VPS13B: variants seen among roughly 807,000 people sequenced by gnomAD.
VPS13B encodes the protein vacuolar protein sorting 13 homolog B, also known as intermembrane lipid transfer protein VPS13B.
In VPS13B, 285 loss-of-function variants were observed where a neutral mutation model predicts 426.4. The observed-to-expected ratio is 0.67, with a 90% CI of 0.61 to 0.74. VPS13B has a LOEUF of 0.74. Among genes scored for constraint, VPS13B ranks in the 30% least tolerant of loss-of-function variants. VPS13B has a pLI of 0.00. For synonymous variants in VPS13B, 1,676 were observed against 1,676.4 expected (o/e 1.00, Z 0.01); for missense variants, 4,537 against 4,782.6 (o/e 0.95, Z 1.51).
At chr8:99,796,034 T>A (rs556639698) in intron 43 of VPS13B, among the ~76,000 whole-genome samples, 1 of 152,250 alleles carries the variant, frequency 6.6e-6, no homozygotes, top group South Asian at 2.1e-4. Context: ...ATTTGCGAGT[T>A]GGGCTGTGAA....
chr8:99,561,603 A>G (rs903584955), intron 31 of VPS13B, among the ~76,000 whole-genome samples: 3 of 152,186 alleles, frequency 2.0e-5, no homozygotes, highest in African/African-American at 7.2e-5. Flanking sequence ...GTTTTGGTAT[A>G]AGCTAGGCTT....
chr8:99,823,457 G>A (rs1283608241), intron 50 of VPS13B, among the ~76,000 whole-genome samples: 1 of 152,174 alleles, frequency 6.6e-6, no homozygotes, highest in Non-Finnish European at 1.5e-5. Flanking sequence ...AGGAGGAGGA[G>A]GAGGAGGAGT....
intron 51 of VPS13B, among the ~76,000 whole-genome samples, chr8:99,826,143 C>G (rs1814670139): frequency 6.6e-6 from 1 of 152,152 alleles, no homozygotes; most frequent in African/African-American, 2.4e-5. Flanking sequence ...AGCATTGAAT[C>G]TATAAATTAC....
intron 34 of VPS13B, among the ~76,000 whole-genome samples, chr8:99,644,811 A>T (rs778646100): frequency 3.7e-4 from 56 of 152,374 alleles, no homozygotes; most frequent in Middle Eastern, 3.4e-3. Context: ...GGAGGCAAGT[A>T]ATTAAAATAC....
intron 30 of VPS13B, among the ~76,000 whole-genome samples, chr8:99,543,140 C>A (rs868228904): frequency 6.6e-6 from 1 of 151,862 alleles, no homozygotes; most frequent in South Asian, 2.1e-4. Context: ...CAAAACAGGG[C>A]CCTCAGAAAT....
intron 33 of VPS13B, among the ~76,000 whole-genome samples, chr8:99,594,413 A>T (rs977361612): frequency 5.3e-5 from 8 of 151,962 alleles, no homozygotes; most frequent in African/African-American, 1.9e-4. Context: ...AGCATTTTCC[A>T]TAGTGATTGT....
chr8:99,478,462 T>TTTG (rs1819849362), intron 24 of VPS13B, among the ~76,000 whole-genome samples: 8 of 123,480 alleles, frequency 6.5e-5, no homozygotes, highest in African/African-American at 1.6e-4. Context: ...TTTTTTTTTT[T>TTTG]TTTGTTTTTT....
At chr8:99,331,268 G>T (rs1235599585) in intron 19 of VPS13B, among the ~76,000 whole-genome samples, 1 of 151,710 alleles carries the variant, frequency 6.6e-6, no homozygotes, top group Non-Finnish European at 1.5e-5. Flanking sequence ...CCTTACTTAA[G>T]GGATCAACCT....
At chr8:99,277,065 T>A (rs919158212) in intron 19 of VPS13B, among the ~76,000 whole-genome samples, 37 of 152,086 alleles carry the variant, frequency 2.4e-4, no homozygotes, top group African/African-American at 8.2e-4. Context: ...TTTATATAGC[T>A]CTAAAAGTAA....
intron 12 of VPS13B, among the ~76,000 whole-genome samples, chr8:99,138,038 CTCCTAGCCATCT>C (rs1810171232): frequency 6.6e-6 from 1 of 152,204 alleles, no homozygotes; most frequent in Non-Finnish European, 1.5e-5. Context: ...TTTTCCCTCG[CTCCTAGCCATCT>C]GGTCCACAGA....
intron 3 of VPS13B, among the ~76,000 whole-genome samples, chr8:99,044,430 G>GTA (rs1843114279): frequency 1.3e-5 from 2 of 151,136 alleles, no homozygotes; most frequent in African/African-American, 2.4e-5. Context: ...GTGTGTGTGT[G>GTA]TTTTTTTAAT....
chr8:99,427,124 C>T (rs1332210046), intron 21 of VPS13B, among the ~76,000 whole-genome samples: 1 of 44,484 alleles, frequency 2.2e-5, no homozygotes, highest in Admixed American at 2.7e-4. Context: ...TTTCAGCTTC[C>T]TACATATGGC....
chr8:99,441,630 C>T (rs549515233), intron 22 of VPS13B, among the ~76,000 whole-genome samples: 5 of 152,162 alleles, frequency 3.3e-5, no homozygotes, highest in African/African-American at 7.2e-5. Context: ...TAAGAAGTCA[C>T]GATGAATTCA....
Position 99,310,971 on chromosome 8 carries a change from A to G in VPS13B, c.2824+35717A>G, listed in dbSNP as rs536521490. ...ATTTATTTGCGTAGAGGTGTTTATA[A>G]TATTCTCTGATGGTAGTTTGTATTT... On this transcript the variant is annotated intron_variant, in intron 19 of 61. Coordinates refer to ENST00000357162, the MANE Select transcript of VPS13B (RefSeq NM_152564.5). 2.6e-5 allele frequency among the ~76,000 whole-genome samples: 4 copies of G among 152,038 alleles called. No homozygotes were observed. The East Asian group carries it at 7.7e-4, about 29-fold the overall frequency.
chr8:99,056,708 G>C lies in VPS13B; in HGVS notation c.291+18142G>C, dbSNP rs1457365138. ...CTCATCCTCATTCCTCCATCCAGTGGAGGTGGCAGGGGGTGAAATGGACTC... is the reference window on the plus strand; with the variant it reads ...CTCATCCTCATTCCTCCATCCAGTGCAGGTGGCAGGGGGTGAAATGGACTC... On this transcript the variant is annotated intron_variant, in intron 3 of 61. Transcript: ENST00000357162. Among the ~76,000 whole-genome samples the C allele has an allele frequency of 2.6e-5, 4 of 152,234 alleles. No individual in the cohort carries two copies. In the East Asian group the frequency reaches 5.8e-4, roughly 22 times the overall value.
At chr8:99,424,807 G>A (rs1405138527) in intron 21 of VPS13B, among the ~76,000 whole-genome samples, 1 of 151,962 alleles carries the variant, frequency 6.6e-6, no homozygotes, top group African/African-American at 2.4e-5. Context: ...CAACAAAATT[G>A]ATAGACCAAA....
chr8:99,258,191 TTG>T (rs1817853464), intron 17 of VPS13B, among the ~76,000 whole-genome samples: 24 of 151,792 alleles, frequency 1.6e-4, no homozygotes, highest in Admixed American at 1.6e-3. Context: ...CACTCTAATA[TTG>T]CATCACTTTG....
chr8:99,527,097 G>A (rs59713666), intron 30 of VPS13B, among the ~76,000 whole-genome samples: 2,018 of 150,960 alleles, frequency 0.013, 39 homozygotes, highest in African/African-American at 0.046. Context: ...CACTATGAAA[G>A]GTTCTGTGAG....
intron 22 of VPS13B, among the ~76,000 whole-genome samples, chr8:99,432,913 A>G (rs1228628298): frequency 6.6e-6 from 1 of 152,242 alleles, no homozygotes; most frequent in Non-Finnish European, 1.5e-5. Context: ...TACTGTATTC[A>G]GAGAACATAC....
Sources: gnomAD v4.1 joint callset for allele counts (sites outside exome capture counted in the v4.1 genomes callset) on GRCh38, gnomAD v4.1.1 for gene constraint, MANE v1.5 for transcripts, NCBI Gene and HGNC (gene_info 2026-07-23, HGNC 2026-07-21) for gene names.